MACROH2A2: variants seen among roughly 807,000 people sequenced by gnomAD.
MACROH2A2 encodes core histone macro-H2A.2.
A neutral mutation model predicts 37.6 loss-of-function variants in MACROH2A2; 6 were observed. The ratio of observed to expected loss-of-function variants is 0.16; its 90% CI spans 0.09 to 0.32. MACROH2A2 has a LOEUF of 0.32. Among genes scored for constraint, MACROH2A2 ranks in the 10% least tolerant of loss-of-function variants. The pLI is 1.00. For missense variants in MACROH2A2, 290 were observed against 485.9 expected (o/e 0.60, Z 3.79); for synonymous variants, 192 against 202.7 (o/e 0.95, Z 0.45).
intron 1 of MACROH2A2, among the ~76,000 whole-genome samples, chr10:70,057,862 A>G (rs544328800): frequency 6.6e-6 from 1 of 152,318 alleles, no homozygotes; most frequent in East Asian, 1.9e-4. Context: ...CAGCAGCCCT[A>G]TAAGTAGGTA....
At position 70,081,068 on chromosome 10, in the gene MACROH2A2, C is replaced by CAAAAAA. The variant is rs34688764; in HGVS notation, c.172+5257_172+5262dup. 4.3e-3 allele frequency among the ~76,000 whole-genome samples: 197 copies of CAAAAAA among 45,830 alleles called. 4 individuals carry two copies. Among genetic ancestry groups the CAAAAAA allele is most frequent in the African/African-American group, 0.013 (150 of 11,318 alleles). 30.1% of individuals were successfully genotyped at this position (45,830 alleles called of 152,430 possible). On this transcript the variant is annotated intron_variant, in intron 2 of 8. Transcript: ENST00000373255. ...GGTGACCAAGCAAGGCCCTGTCTCT[C>CAAAAAA]AAAAAAAAAAAAAAAAAAAAAAAAG...
chr10:70,064,828 C>G (rs1225879812), intron 1 of MACROH2A2, among the ~76,000 whole-genome samples: 1 of 151,864 alleles, frequency 6.6e-6, no homozygotes, highest in African/African-American at 2.4e-5. Context: ...TTGCATGTGT[C>G]TTTATCAGCA....
At chr10:70,093,701 G>T (rs1464270769) in intron 4 of MACROH2A2, 34 bp from the exon 5 acceptor site, 8 of 1,173,704 alleles carry the variant, frequency 6.8e-6, no homozygotes, top group African/African-American at 1.5e-5. Flanking sequence ...TTTCTGGATT[G>T]GTTCTCATCT....
In MACROH2A2 at chr10:70,092,442, C is replaced by CA. The variant is rs942508708; in HGVS notation, c.477+498dup. On this transcript the variant is annotated intron_variant, in intron 4 of 8. Coordinates refer to ENST00000373255, the MANE Select transcript of MACROH2A2 (RefSeq NM_018649.3). ...CGCAAGACCCTGTCTCTTAAACAAA[C>CA]AAAAAAAAAAGAAAGTGGTTTCTGT... Among the ~76,000 whole-genome samples the CA allele has an allele frequency of 5.9e-4, 87 of 146,738 alleles. 1 individual carries two copies. Among genetic ancestry groups the CA allele is most frequent in the African/African-American group, 8.0e-4 (32 of 40,056 alleles).
chr10:70,070,972 T>C (rs2072105444), intron 1 of MACROH2A2, among the ~76,000 whole-genome samples: 1 of 151,096 alleles, frequency 6.6e-6, no homozygotes, highest in Non-Finnish European at 1.5e-5. Flanking sequence ...AGTGTGTGTG[T>C]GTGTGTGTGT....
At chr10:70,077,987 C>T (rs1343743578) in intron 2 of MACROH2A2, among the ~76,000 whole-genome samples, 1 of 152,224 alleles carries the variant, frequency 6.6e-6, no homozygotes, top group East Asian at 1.9e-4. Flanking sequence ...ACGCCCTCGA[C>T]CTCAAGCCAC....
chr10:70,054,325 G>T (rs887157595), intron 1 of MACROH2A2, among the ~76,000 whole-genome samples: 3 of 152,180 alleles, frequency 2.0e-5, no homozygotes, highest in African/African-American at 7.2e-5. Context: ...TGGCTCCGCT[G>T]CCCTGATTTT....
At chr10:70,086,788 T>G (rs1327940697) in intron 2 of MACROH2A2, among the ~76,000 whole-genome samples, 1 of 152,144 alleles carries the variant, frequency 6.6e-6, no homozygotes, top group Non-Finnish European at 1.5e-5. Flanking sequence ...GTGGAGTGCT[T>G]CTTCCTCCCA....
At chr10:70,070,975 G>C (rs897884518) in intron 1 of MACROH2A2, among the ~76,000 whole-genome samples, 2 of 151,202 alleles carry the variant, frequency 1.3e-5, no homozygotes, top group Non-Finnish European at 2.9e-5. Flanking sequence ...GTGTGTGTGT[G>C]TGTGTGTGTC....
chr10:70,080,593 A>T (rs2072170220), intron 2 of MACROH2A2, among the ~76,000 whole-genome samples: 1 of 152,010 alleles, frequency 6.6e-6, no homozygotes, highest in Non-Finnish European at 1.5e-5. Flanking sequence ...AAAATTAACC[A>T]GGTGTGTGCT....
rs1023386371 is a variant in MACROH2A2, at chr10:70,111,646, T to C, written c.1082T>C (p.Ile361Thr). 6.2e-7 allele frequency: 1 copy of C among 1,612,974 alleles called. No homozygotes were observed. The highest frequency in any genetic ancestry group is 1.3e-5 in the African/African-American group (1 of 74,922). Reference protein sequence around the residue: ...FLLFDSESIGIYVQEMAKLDA... With the variant: ...FLLFDSESIGTYVQEMAKLDA... Reference sequence around the variant, plus strand: ...CTCTTCGACAGCGAGAGCATCGGCATCTACGTGCAGGAGATGGCCAAGCTC... The same window carrying C: ...CTCTTCGACAGCGAGAGCATCGGCACCTACGTGCAGGAGATGGCCAAGCTC... Residue 361 changes from isoleucine (I) to threonine (T), a missense_variant, in exon 9 of 9, where the codon ATC (isoleucine) becomes ACC (threonine). This residue lies in a region of MACROH2A2 where 130 missense variants were observed against 257.1 expected (regional missense o/e 0.51). Coordinates refer to ENST00000373255, the MANE Select transcript of MACROH2A2 (RefSeq NM_018649.3).
chr10:70,105,340 G>GGGT (rs1431220859), intron 7 of MACROH2A2, among the ~76,000 whole-genome samples: 1 of 152,182 alleles, frequency 6.6e-6, no homozygotes, highest in Non-Finnish European at 1.5e-5. Flanking sequence ...GGGGACCCCA[G>GGGT]GGTAACACAG....
chr10:70,109,975 A>G (rs1589842697), intron 8 of MACROH2A2, among the ~76,000 whole-genome samples: 1 of 152,120 alleles, frequency 6.6e-6, no homozygotes, highest in Admixed American at 6.5e-5. Flanking sequence ...TAATATAGCT[A>G]TGGTTTATAG....
chr10:70,064,283 T>C (rs986586509), intron 1 of MACROH2A2, among the ~76,000 whole-genome samples: 1 of 152,072 alleles, frequency 6.6e-6, no homozygotes, highest in African/African-American at 2.4e-5. Flanking sequence ...GCAGGGAGAA[T>C]TGTTTGAACC....
chr10:70,064,291 A>T (rs1007610438), intron 1 of MACROH2A2, among the ~76,000 whole-genome samples: 4 of 152,160 alleles, frequency 2.6e-5, no homozygotes, highest in Non-Finnish European at 5.9e-5. Context: ...AATTGTTTGA[A>T]CCCGGGGGAC....
intron 2 of MACROH2A2, among the ~76,000 whole-genome samples, chr10:70,082,374 C>T (rs140420280): frequency 0.04 from 6,026 of 150,326 alleles, 147 homozygotes; most frequent in Non-Finnish European, 0.054. Context: ...GCCGAGATTG[C>T]GCCATTGCAC....
At chr10:70,059,433 C>T (rs568346004) in intron 1 of MACROH2A2, among the ~76,000 whole-genome samples, 3 of 150,984 alleles carry the variant, frequency 2.0e-5, no homozygotes, top group East Asian at 3.9e-4. Context: ...AGTGCAGTGG[C>T]GTGGTCTTGG....
Position 70,083,780 on chromosome 10 carries a change from C to T in MACROH2A2, c.173-6280C>T, listed in dbSNP as rs1440698179. ...AAAGAGTGCATGCTCAGCTGCTCAT[C>T]TAGAATGCCCCATTGACCTGAACAA... On this transcript the variant is annotated intron_variant, in intron 2 of 8. Transcript: ENST00000373255. Among the ~76,000 whole-genome samples the T allele has an allele frequency of 4.7e-5, 7 of 148,286 alleles. No individual in the cohort carries two copies. The Admixed American group carries it at 4.8e-4, about 10-fold the overall frequency.
intron 7 of MACROH2A2, among the ~76,000 whole-genome samples, chr10:70,108,163 G>A (rs975011975): frequency 2.0e-5 from 3 of 151,868 alleles, no homozygotes; most frequent in African/African-American, 4.8e-5. Flanking sequence ...AGCTGAGATC[G>A]CACCACTGCA....
Sources: gnomAD v4.1 joint callset for allele counts (sites outside exome capture counted in the v4.1 genomes callset) on GRCh38, gnomAD v4.1.1 for gene constraint, gnomAD v4.1.1 regional missense constraint, MANE v1.5 for transcripts, NCBI Gene and HGNC (gene_info 2026-07-23, HGNC 2026-07-21) for gene names.